Variants in PHACTR1 observed in about 807,000 individuals in gnomAD.
PHACTR1 encodes phosphatase and actin regulator 1, also known as RPEL repeat containing 1.
PHACTR1 carries 16 observed loss-of-function variants against 69.2 expected under a neutral mutation model. That is an observed-to-expected ratio of 0.23 (90% CI 0.16 to 0.35). The LOEUF is 0.35. Among genes scored for constraint, PHACTR1 ranks in the 10% least tolerant of loss-of-function variants. The pLI, the probability that PHACTR1 is intolerant of heterozygous loss-of-function variation, is 1.00. For missense variants in PHACTR1, 510 were observed against 734.7 expected (o/e 0.69, Z 3.54); for synonymous variants, 312 against 284.5 (o/e 1.10, Z -0.97).
chr6:13,081,247 A>G (rs2127797574), intron 5 of PHACTR1, among the ~76,000 whole-genome samples: 1 of 152,286 alleles, frequency 6.6e-6, no homozygotes, highest in South Asian at 2.1e-4. Context: ...CTAGAAGATG[A>G]ACTCCCCTAC....
intron 4 of PHACTR1, among the ~76,000 whole-genome samples, chr6:13,010,820 A>G (rs998758605): frequency 1.3e-5 from 2 of 151,830 alleles, no homozygotes; most frequent in Non-Finnish European, 2.9e-5. Flanking sequence ...ACTTGGTTAA[A>G]AAAAAAAAAG....
intron 12 of PHACTR1, among the ~76,000 whole-genome samples, chr6:13,282,878 A>T (rs1306425921): frequency 6.9e-6 from 1 of 145,888 alleles, no homozygotes. Context: ...AATGACTGGG[A>T]CTCAGCAATG....
intron 4 of PHACTR1, among the ~76,000 whole-genome samples, chr6:12,786,198 A>G (rs1328746264): frequency 6.6e-6 from 1 of 152,122 alleles, no homozygotes; most frequent in African/African-American, 2.4e-5. Flanking sequence ...ATTATAAAGG[A>G]ATGTAATTGG....
intron 4 of PHACTR1, among the ~76,000 whole-genome samples, chr6:12,946,902 T>A (rs971140735): frequency 7.5e-6 from 1 of 133,280 alleles, no homozygotes; most frequent in Non-Finnish European, 1.5e-5. Context: ...AACCTCCACC[T>A]CCCCGGTCCA....
intron 4 of PHACTR1, among the ~76,000 whole-genome samples, chr6:12,848,458 A>G (rs9463198): frequency 0.011 from 1,699 of 152,284 alleles, 36 homozygotes; most frequent in African/African-American, 0.039. Context: ...CAAGGCGCCC[A>G]TCTCATTTCT....
intron 4 of PHACTR1, among the ~76,000 whole-genome samples, chr6:12,766,638 G>C (rs1001852361): frequency 6.6e-6 from 1 of 152,126 alleles, no homozygotes; most frequent in Admixed American, 6.5e-5. Context: ...TTAGAGGGTT[G>C]GTTATTAAAC....
chr6:13,050,505 C>A (rs1805782897), intron 4 of PHACTR1, among the ~76,000 whole-genome samples: 1 of 152,160 alleles, frequency 6.6e-6, no homozygotes, highest in Non-Finnish European at 1.5e-5. Flanking sequence ...TTTGATCCCA[C>A]TTCTTCGCCT....
chr6:12,765,628 C>G (rs917820675), intron 4 of PHACTR1, among the ~76,000 whole-genome samples: 20 of 152,060 alleles, frequency 1.3e-4, no homozygotes, highest in African/African-American at 4.6e-4. Context: ...CAAACCTGTC[C>G]CCTCAGAGCT....
chr6:13,086,545 A>G (rs192480586), intron 5 of PHACTR1, among the ~76,000 whole-genome samples: 2 of 152,134 alleles, frequency 1.3e-5, no homozygotes, highest in East Asian at 3.9e-4. Context: ...TTCTGCCAAT[A>G]TGATTTTGTG....
chr6:12,768,809 TACACACACACACAC>T lies in PHACTR1; in HGVS notation c.250+19059_250+19072del, dbSNP rs4053038. Among the ~76,000 whole-genome samples the T allele has an allele frequency of 6.1e-3, 757 of 123,362 alleles. 3 individuals are homozygous for T. The highest frequency in any genetic ancestry group is 9.0e-3 in the Non-Finnish European group (530 of 58,868). 80.9% of individuals were successfully genotyped at this position (123,362 alleles called of 152,430 possible). A position where few individuals can be genotyped will look rare whatever the true frequency, so the allele number is the denominator to read the frequency against. On this transcript the variant is annotated intron_variant, in intron 4 of 14. Transcript: ENST00000332995. ...GAATGGATAAAGAAAATGTGCTATC[TACACACACACACAC>T]ACACACACACACACACACACACACA...
At chr6:12,946,660 T>C (rs927307903) in intron 4 of PHACTR1, among the ~76,000 whole-genome samples, 177 of 151,984 alleles carry the variant, frequency 1.2e-3, no homozygotes, top group African/African-American at 3.9e-3. Context: ...AAATAAGAAG[T>C]ACAGTTGAAG....
intron 5 of PHACTR1, among the ~76,000 whole-genome samples, chr6:13,115,932 T>A (rs907710641): frequency 1.3e-5 from 2 of 152,176 alleles, no homozygotes; most frequent in Admixed American, 1.3e-4. Flanking sequence ...AGCTAAGCTG[T>A]CAATCTTCTG....
At chr6:13,205,448 G>A (rs990376216) in intron 7 of PHACTR1, among the ~76,000 whole-genome samples, 13 of 152,194 alleles carry the variant, frequency 8.5e-5, no homozygotes, top group African/African-American at 2.7e-4. Flanking sequence ...ATAGTTTGGC[G>A]TATCCTAGCA....
At chr6:12,885,198 G>A (rs1281267166) in intron 4 of PHACTR1, among the ~76,000 whole-genome samples, 4 of 152,146 alleles carry the variant, frequency 2.6e-5, no homozygotes, top group South Asian at 2.1e-4. Context: ...GCCTTGCGTC[G>A]GACCTAGACC....
intron 10 of PHACTR1, among the ~76,000 whole-genome samples, chr6:13,244,441 T>A (rs1773303568): frequency 1.3e-5 from 2 of 152,130 alleles, no homozygotes; most frequent in Non-Finnish European, 2.9e-5. Context: ...GGTGAGAATT[T>A]CCTCTTCCTA....
chr6:12,868,561 G>A (rs1399657959), intron 4 of PHACTR1, among the ~76,000 whole-genome samples: 1 of 138,100 alleles, frequency 7.2e-6, no homozygotes, highest in Non-Finnish European at 1.5e-5. Flanking sequence ...TAGCACTTGG[G>A]GAAGAAGATG....
chr6:12,949,492 GTGTT>G (rs941558403), intron 4 of PHACTR1, among the ~76,000 whole-genome samples: 9 of 152,126 alleles, frequency 5.9e-5, no homozygotes, highest in African/African-American at 1.7e-4. Context: ...CAAATCCACT[GTGTT>G]TGTTTGGGGA....
At chr6:13,031,371 G>C (rs1452098593) in intron 4 of PHACTR1, among the ~76,000 whole-genome samples, 1 of 152,122 alleles carries the variant, frequency 6.6e-6, no homozygotes, top group Non-Finnish European at 1.5e-5. Context: ...TTCACTTTTA[G>C]ACTTTGTGAA....
chr6:12,886,801 A>C lies in PHACTR1; in HGVS notation c.250+137011A>C, dbSNP rs192771156. 1.5e-3 allele frequency among the ~76,000 whole-genome samples: 231 copies of C among 152,198 alleles called. 1 individual carries two copies. The highest frequency in any genetic ancestry group is 5.3e-3 in the African/African-American group (218 of 41,522). Reference sequence around the variant, plus strand: ...TGATACTTCCTTTCTGCAGGGACTTAATGATTAGGTGGCAGGTGGAATCTT... The same window carrying C: ...TGATACTTCCTTTCTGCAGGGACTTCATGATTAGGTGGCAGGTGGAATCTT... On this transcript the variant is annotated intron_variant, in intron 4 of 14. Transcript: ENST00000332995.
Sources: allele counts gnomAD v4.1 joint callset (sites outside exome capture counted in the v4.1 genomes callset), GRCh38; gene constraint gnomAD v4.1.1; transcripts MANE v1.5; gene names NCBI Gene and HGNC (gene_info 2026-07-23, HGNC 2026-07-21).